ADAMTS9: variants seen among roughly 807,000 people sequenced by gnomAD.
The protein encoded by ADAMTS9 is ADAM metallopeptidase with thrombospondin type 1 motif 9.
Under a neutral mutation model 257.1 loss-of-function variants are expected in ADAMTS9, and 107 were observed. The ratio of observed to expected loss-of-function variants is 0.42; its 90% CI spans 0.36 to 0.49. The LOEUF (loss-of-function observed/expected upper bound fraction) is 0.49, where lower values mean the gene tolerates loss of function less well. Ranked by LOEUF, ADAMTS9 falls within the 20% of genes least tolerant of loss-of-function variation. The pLI is 0.03. For synonymous variants in ADAMTS9, 982 were observed against 880.9 expected (o/e 1.11, Z -2.03); for missense variants, 2,353 against 2,469.1 (o/e 0.95, Z 1.00).
chr3:64,559,136 C>T (rs903386696), intron 30 of ADAMTS9, among the ~76,000 whole-genome samples: 6 of 152,068 alleles, frequency 3.9e-5, no homozygotes, highest in African/African-American at 1.4e-4. Context: ...GAGGACTACC[C>T]CAGGCAAACA....
intron 12 of ADAMTS9, among the ~76,000 whole-genome samples, chr3:64,634,857 T>A (rs535341635): frequency 6.6e-6 from 1 of 152,314 alleles, no homozygotes; most frequent in East Asian, 1.9e-4. Context: ...CTGCTTTGTT[T>A]CAAACAGGAG....
chr3:64,663,072 C>G (rs1193616415), intron 3 of ADAMTS9, among the ~76,000 whole-genome samples: 3 of 152,006 alleles, frequency 2.0e-5, no homozygotes, highest in African/African-American at 7.2e-5. Flanking sequence ...TGAAAGAATT[C>G]TAGTCTCAAG....
At chr3:64,664,911 G>A (rs13085838) in intron 3 of ADAMTS9, among the ~76,000 whole-genome samples, 38,565 of 151,956 alleles carry the variant, frequency 0.25, 5,462 homozygotes, top group Admixed American at 0.35. Context: ...AAGACACTTC[G>A]AAACAGGACA....
At chr3:64,671,532 T>A (rs576988096) in intron 3 of ADAMTS9, among the ~76,000 whole-genome samples, 1 of 152,184 alleles carries the variant, frequency 6.6e-6, no homozygotes, top group East Asian at 1.9e-4. Flanking sequence ...TAAAAAATAA[T>A]TAGCAGAAAA....
chr3:64,577,009 A>G (rs1330032618), intron 28 of ADAMTS9, among the ~76,000 whole-genome samples: 1 of 152,214 alleles, frequency 6.6e-6, no homozygotes, highest in Non-Finnish European at 1.5e-5. Context: ...ACAATGTAAC[A>G]ACTTCATATT....
intron 30 of ADAMTS9, among the ~76,000 whole-genome samples, chr3:64,552,525 C>A (rs1425969458): frequency 6.6e-6 from 1 of 151,896 alleles, no homozygotes; most frequent in Non-Finnish European, 1.5e-5. Context: ...GCTTATCTAA[C>A]AACTGTGATT....
intron 31 of ADAMTS9, 54 bp from the exon 32 acceptor site, chr3:64,547,006 A>G (rs1576003286): frequency 6.6e-7 from 1 of 1,511,820 alleles, no homozygotes; most frequent in East Asian, 2.3e-5. Flanking sequence ...GGGGCAGCCC[A>G]CAATAGGCCC....
rs1469717375 is a variant in ADAMTS9, at chr3:64,651,133, T to G, written c.1347A>C (p.Lys449Asn). The G allele has an allele frequency of 6.3e-7, 1 of 1,590,108 alleles. No homozygotes were observed. The highest frequency in any genetic ancestry group is 1.8e-5 in the Admixed American group (1 of 54,212). Residue 449 changes from lysine (K) to asparagine (N), a missense_variant, in exon 9 of 40, where the codon AAA (lysine) becomes AAC (asparagine). Lys to Asn is a moderately conservative substitution (Grantham distance 94, BLOSUM62 0). Coordinates refer to ENST00000498707, the MANE Select transcript of ADAMTS9 (RefSeq NM_182920.2). ...GACTCTTAACTCCTTCTTCTTTACA[T>G]TTGTTGTTGTCATCATGAGGCATGT... is the stretch of plus-strand genomic sequence containing the variant. ...VFNMPHDDNN[K>N]CKEEGVKSPQ...
chr3:64,600,051 CTTTTTT>C lies in ADAMTS9; in HGVS notation c.4017+1887_4017+1892del, dbSNP rs35753372. Among the ~76,000 whole-genome samples the C allele has an allele frequency of 4.2e-4, 44 of 104,172 alleles. No individual in the cohort carries two copies. The South Asian group carries it at 0.014, about 34-fold the overall frequency. The allele number at this position is 104,172 out of a possible 152,430, so 68.3% of individuals were successfully genotyped here. A position where few individuals can be genotyped will look rare whatever the true frequency, so the allele number is the denominator to read the frequency against. On this transcript the variant is annotated intron_variant, in intron 26 of 39. Coordinates refer to ENST00000498707, the MANE Select transcript of ADAMTS9 (RefSeq NM_182920.2). ...TCTTTCACTTGAGTCAGTTTCTGTT[CTTTTTT>C]TTTTTTTTTTTTTTGCAAAACTCCT...
At chr3:64,659,743 C>A (rs1298912844) in intron 3 of ADAMTS9, among the ~76,000 whole-genome samples, 1 of 152,164 alleles carries the variant, frequency 6.6e-6, no homozygotes, top group East Asian at 1.9e-4. Flanking sequence ...TCTGGGCAGG[C>A]AGCTGGGACC....
At chr3:64,565,341 T>C (rs778897280) in intron 29 of ADAMTS9, 9 of 152,254 alleles carry the variant, frequency 5.9e-5, no homozygotes, top group Admixed American at 1.3e-4. Context: ...CTTTTAAAAA[T>C]TGATGCTTAT....
chr3:64,541,595 C>T lies in ADAMTS9; in HGVS notation c.5223G>A (p.Glu1741=), dbSNP rs369063444. 4 of 1,613,994 alleles carry T rather than the reference C, an allele frequency of 2.5e-6. No homozygotes were observed. The highest frequency in any genetic ancestry group is 4.5e-5 in the East Asian group (2 of 44,870). Residue 1741 remains glutamate, a synonymous_variant, in exon 34 of 40, where the codon GAG becomes GAA. Coordinates refer to ENST00000498707, the MANE Select transcript of ADAMTS9 (RefSeq NM_182920.2). ...YNCELPQNCK[E]VKRLKGASED... is the part of the protein sequence containing the mutation. ...CACTGGCACCTTTAAGTCTTTTTAC[C>T]TCCTTGCAATTCTGGGGTAACTCAC...
chr3:64,548,133 C>T (rs1311062619), intron 31 of ADAMTS9, among the ~76,000 whole-genome samples: 1 of 152,152 alleles, frequency 6.6e-6, no homozygotes, highest in Non-Finnish European at 1.5e-5. Flanking sequence ...TGAGAAGCCA[C>T]AGTGTCTGCT....
chr3:64,602,744 C>T (rs947911090), intron 25 of ADAMTS9, among the ~76,000 whole-genome samples: 2 of 152,170 alleles, frequency 1.3e-5, no homozygotes, highest in Admixed American at 1.3e-4. Flanking sequence ...TTTGACCACC[C>T]TCTCTAAAAG....
At chr3:64,519,481 C>CA (rs2082822887) in intron 39 of ADAMTS9, among the ~76,000 whole-genome samples, 1 of 152,004 alleles carries the variant, frequency 6.6e-6, no homozygotes, top group Non-Finnish European at 1.5e-5. Flanking sequence ...CAATACCTGG[C>CA]AAAAACACAA....
intron 16 of ADAMTS9, among the ~76,000 whole-genome samples, chr3:64,630,059 T>C (rs1700329839): frequency 1.0e-5 from 1 of 96,824 alleles, no homozygotes; most frequent in Admixed American, 9.4e-5. Flanking sequence ...ATAAAGAAAG[T>C]ACATTATTGC....
chr3:64,665,919 T>G (rs1701345056), intron 3 of ADAMTS9, among the ~76,000 whole-genome samples: 1 of 152,178 alleles, frequency 6.6e-6, no homozygotes, highest in Non-Finnish European at 1.5e-5. Flanking sequence ...TATAGAGAAT[T>G]TCTTATAAAT....
rs57945713 is a variant in ADAMTS9 at position 64,535,552 on chromosome 3, CTTTTT to C, written c.5614-2287_5614-2283del. Among the ~76,000 whole-genome samples the C allele has an allele frequency of 1.9e-4, 16 of 84,674 alleles. No individual in the cohort carries two copies. The East Asian group carries it at 2.6e-3, about 14-fold the overall frequency. 55.5% of individuals were successfully genotyped at this position (84,674 alleles called of 152,430 possible). A position where few individuals can be genotyped will look rare whatever the true frequency, so the allele number is the denominator to read the frequency against. On this transcript the variant is annotated intron_variant, in intron 37 of 39. Coordinates refer to ENST00000498707, the MANE Select transcript of ADAMTS9 (RefSeq NM_182920.2). ...TGGCCATTTTCTTTTCTTTTCTTTT[CTTTTT>C]TTTTTTTTTTTTTTGAGACAAGGTC...
chr3:64,642,255 C>A (rs1559806697), intron 11 of ADAMTS9, among the ~76,000 whole-genome samples: 1 of 152,102 alleles, frequency 6.6e-6, no homozygotes, highest in African/African-American at 2.4e-5. Flanking sequence ...ACTCCAATGG[C>A]AAGCTTCAAA....
Sources: allele counts gnomAD v4.1 joint callset (sites outside exome capture counted in the v4.1 genomes callset), GRCh38; gene constraint gnomAD v4.1.1; transcripts MANE v1.5; gene names NCBI Gene and HGNC (gene_info 2026-07-23, HGNC 2026-07-21).